Variants in GRIK3 observed in about 807,000 individuals in gnomAD.
GRIK3 encodes the protein glutamate ionotropic receptor kainate type subunit 3.
GRIK3 carries 29 observed loss-of-function variants against 102.5 expected under a neutral mutation model. The observed-to-expected ratio is 0.28, with a 90% confidence interval of 0.21 to 0.39. GRIK3 has a LOEUF of 0.39. GRIK3 is among the 10% of genes least tolerant of loss of function. GRIK3 has a pLI of 1.00. For missense variants in GRIK3, 908 were observed against 1,252.4 expected (o/e 0.73, Z 4.15); for synonymous variants, 511 against 504.9 (o/e 1.01, Z -0.16).
Position 36,805,256 on chromosome 1 carries a change from C to T in GRIK3, c.2315-19G>A. On this transcript the variant is annotated intron_variant, in intron 14 of 15. Transcript: ENST00000373091. Reference sequence around the variant, plus strand: ...GGGGAGCCTGAGCAGGGAGAAGGGACCCCTAGCCATCAGTGGCGTGTGGCC... The same window carrying T: ...GGGGAGCCTGAGCAGGGAGAAGGGATCCCTAGCCATCAGTGGCGTGTGGCC... 1 of 1,591,310 alleles carries T rather than the reference C, an allele frequency of 6.3e-7. No individual in the cohort carries two copies. The highest frequency in any genetic ancestry group is 8.6e-7 in the Non-Finnish European group (1 of 1,168,632).
At chr1:36,957,437 T>C (rs113107805) in intron 1 of GRIK3, among the ~76,000 whole-genome samples, 778 of 16,026 alleles carry the variant, frequency 0.049, 7 homozygotes, top group Non-Finnish European at 0.075. Context: ...GCCTCTGTGC[T>C]CTGTGAGTCT....
At chr1:36,824,530 G>A (rs933041360) in intron 11 of GRIK3, among the ~76,000 whole-genome samples, 5 of 152,182 alleles carry the variant, frequency 3.3e-5, no homozygotes, top group African/African-American at 1.2e-4. Flanking sequence ...AGGAGGGAGC[G>A]GAAGGGAGTG....
chr1:36,913,370 G>A (rs116329696), intron 1 of GRIK3, among the ~76,000 whole-genome samples: 3,108 of 151,936 alleles, frequency 0.02, 39 homozygotes, highest in Middle Eastern at 0.065. Context: ...AGGGTCAGGG[G>A]AGCAAGACCG....
intron 11 of GRIK3, among the ~76,000 whole-genome samples, chr1:36,820,165 G>A (rs1442258327): frequency 6.6e-6 from 1 of 152,138 alleles, no homozygotes. Flanking sequence ...ACACAAGGGT[G>A]TTTATCAAAG....
intron 5 of GRIK3, among the ~76,000 whole-genome samples, 154 bp from the exon 6 acceptor site, chr1:36,860,171 T>C (rs1284340024): frequency 6.6e-6 from 1 of 152,178 alleles, no homozygotes; most frequent in Non-Finnish European, 1.5e-5. Context: ...ATCGGGGTAG[T>C]CACAGGAGCA....
In GRIK3 at chr1:36,796,158, A is replaced by G. The variant is rs909554549; in HGVS notation, c.*5693T>C. The G allele has an allele frequency of 1.3e-5, 2 of 152,512 alleles. No individual in the cohort carries two copies. Among genetic ancestry groups the G allele is most frequent in the Admixed American group, 6.5e-5 (1 of 15,308 alleles). 9.4% of individuals were successfully genotyped at this position (152,512 alleles called of 1,614,324 possible). On this transcript the variant is annotated 3_prime_UTR_variant, in exon 16 of 16. Coordinates refer to ENST00000373091, the MANE Select transcript of GRIK3 (RefSeq NM_000831.4). ...CTGACTGCACGGAAGCCCACCTCAG[A>G]TATCTCCTCCCCTGCATGCTCCAGA...
intron 1 of GRIK3, among the ~76,000 whole-genome samples, chr1:36,935,012 C>A (rs2124317507): frequency 6.6e-6 from 1 of 152,322 alleles, no homozygotes; most frequent in East Asian, 1.9e-4. Context: ...TTCTTCCAAT[C>A]CCTTCCTCCC....
At chr1:36,875,728 G>A (rs1007591609) in intron 3 of GRIK3, among the ~76,000 whole-genome samples, 11 of 152,184 alleles carry the variant, frequency 7.2e-5, no homozygotes, top group Non-Finnish European at 1.5e-4. Context: ...CCAGAAAAAC[G>A]ACCTAGCCAA....
intron 2 of GRIK3, among the ~76,000 whole-genome samples, chr1:36,882,221 C>T (rs1640988716): frequency 6.6e-6 from 1 of 152,184 alleles, no homozygotes; most frequent in Non-Finnish European, 1.5e-5. Context: ...ATCGACAGTG[C>T]CGAATCATCA....
intron 1 of GRIK3, among the ~76,000 whole-genome samples, chr1:36,953,266 G>T (rs1181411426): frequency 6.6e-6 from 1 of 152,156 alleles, no homozygotes; most frequent in African/African-American, 2.4e-5. Flanking sequence ...AGCGTTCCCA[G>T]CTTGAGCAGA....
intron 1 of GRIK3, among the ~76,000 whole-genome samples, chr1:36,903,444 C>A (rs895675038): frequency 3.9e-5 from 6 of 152,194 alleles, no homozygotes; most frequent in African/African-American, 1.4e-4. Flanking sequence ...TACTCTTACA[C>A]GCAAGTGCAA....
At chr1:36,840,017 T>C (rs1197717234) in intron 10 of GRIK3, among the ~76,000 whole-genome samples, 1 of 152,184 alleles carries the variant, frequency 6.6e-6, no homozygotes, top group Non-Finnish European at 1.5e-5. Flanking sequence ...CTCTGTGGGT[T>C]GCAAAGATCT....
chr1:36,832,907 C>A (rs1199666518), intron 10 of GRIK3, among the ~76,000 whole-genome samples: 1 of 152,228 alleles, frequency 6.6e-6, no homozygotes, highest in Non-Finnish European at 1.5e-5. Flanking sequence ...AGTGGGCCCC[C>A]CTGCCCCCAA....
chr1:36,948,396 C>G (rs555587228), intron 1 of GRIK3, among the ~76,000 whole-genome samples: 2 of 152,268 alleles, frequency 1.3e-5, no homozygotes, highest in East Asian at 3.9e-4. Context: ...TGGCTGAAGC[C>G]CTACTGTGTA....
At chr1:36,959,694 G>GT (rs1641977617) in intron 1 of GRIK3, among the ~76,000 whole-genome samples, 1 of 133,338 alleles carries the variant, frequency 7.5e-6, no homozygotes, top group South Asian at 2.6e-4. Flanking sequence ...GTGACTCTGT[G>GT]CCCCTTGAGC....
At chr1:36,824,157 G>A (rs1185601994) in intron 11 of GRIK3, among the ~76,000 whole-genome samples, 4 of 152,220 alleles carry the variant, frequency 2.6e-5, no homozygotes, top group Admixed American at 2.0e-4. Context: ...CCCACCTTCC[G>A]AGCCTGGAGG....
chr1:36,988,842 A>C (rs1642333265), intron 1 of GRIK3, among the ~76,000 whole-genome samples: 1 of 152,220 alleles, frequency 6.6e-6, no homozygotes, highest in Admixed American at 6.5e-5. Context: ...AGCCCTTCCC[A>C]GCTGCGGTGA....
chr1:36,988,750 A>G (rs1418733634), intron 1 of GRIK3, among the ~76,000 whole-genome samples: 5 of 152,240 alleles, frequency 3.3e-5, no homozygotes, highest in Non-Finnish European at 7.3e-5. Flanking sequence ...TTAACTGCCT[A>G]TGTTTAAAAT....
intron 1 of GRIK3, among the ~76,000 whole-genome samples, chr1:37,013,276 G>A (rs963484366): frequency 5.9e-5 from 9 of 152,166 alleles, no homozygotes; most frequent in African/African-American, 2.2e-4. Context: ...AGGAATTATG[G>A]GAGCTACAAG....
Sources: gnomAD v4.1 joint callset for allele counts (sites outside exome capture counted in the v4.1 genomes callset) on GRCh38, gnomAD v4.1.1 for gene constraint, MANE v1.5 for transcripts, NCBI Gene and HGNC (gene_info 2026-07-23, HGNC 2026-07-21) for gene names.